The following PARD3 variants were observed in gnomAD, a reference collection of about 807,000 sequenced individuals.
PARD3 encodes partitioning defective 3 homolog.
Under a neutral mutation model 155.4 loss-of-function variants are expected in PARD3, and 75 were observed. That is an observed-to-expected ratio of 0.48 (90% CI 0.40 to 0.58). PARD3 has a LOEUF of 0.58. Ranked by LOEUF, PARD3 falls within the 20% of genes least tolerant of loss-of-function variation. The pLI is 0.00. For synonymous variants in PARD3, 576 were observed against 610.5 expected, an observed-to-expected ratio of 0.94 and a Z score of 0.83; for missense variants, 1,642 against 1,721.7, an observed-to-expected ratio of 0.95 and a Z score of 0.82.
Position 34,765,970 on chromosome 10 carries a change from A to G in PARD3, c.120+48906T>C, listed in dbSNP as rs1262341154. ...TAGGTAATTTGCCTAAAGATTACAC[A>G]GAGCTGAATTTCAAATCCAGACAGC... On this transcript the variant is annotated intron_variant, in intron 1 of 24. Coordinates refer to ENST00000374788, the MANE Select transcript of PARD3 (RefSeq NM_001184785.2). 3.3e-5 allele frequency among the ~76,000 whole-genome samples: 5 copies of G among 152,354 alleles called. No individual in the cohort carries two copies. In the East Asian group the frequency reaches 9.6e-4, roughly 29 times the overall value.
chr10:34,236,865 G>A (rs548955417), intron 22 of PARD3, among the ~76,000 whole-genome samples: 1 of 152,190 alleles, frequency 6.6e-6, no homozygotes, highest in South Asian at 2.1e-4. Context: ...GTGAGAATTA[G>A]GGTTCTTAAA....
chr10:34,270,025 T>C, intron 21 of PARD3, 126 bp from the exon 22 acceptor site: 1 of 920,390 alleles, frequency 1.1e-6, no homozygotes, highest in African/African-American at 1.7e-5. Context: ...AGATCAGTGG[T>C]ATAAATGACA....
chr10:34,535,872 T>C (rs1303772781), intron 2 of PARD3, among the ~76,000 whole-genome samples: 1 of 152,086 alleles, frequency 6.6e-6, no homozygotes, highest in Admixed American at 6.5e-5. Flanking sequence ...ATTAACTCCA[T>C]GTCAATGCTC....
chr10:34,358,660 T>A (rs1003068474), intron 14 of PARD3, among the ~76,000 whole-genome samples: 5 of 152,048 alleles, frequency 3.3e-5, no homozygotes, highest in Admixed American at 3.3e-4. Context: ...AACACTGAAC[T>A]CCAGCATGGT....
intron 4 of PARD3, among the ~76,000 whole-genome samples, chr10:34,460,271 T>C (rs75970788): frequency 0.026 from 3,917 of 152,226 alleles, 168 homozygotes; most frequent in African/African-American, 0.09. Context: ...TTCAGGGAAT[T>C]TGAGTAACGT....
At position 34,288,442 on chromosome 10, in the gene PARD3, A is replaced by C. The variant is rs563842742; in HGVS notation, c.3066-4197T>G. Among the ~76,000 whole-genome samples, 3 of 152,276 alleles carry C rather than the reference A, an allele frequency of 2.0e-5. No homozygotes were observed. In the East Asian group the frequency reaches 5.8e-4, roughly 29 times the overall value. ...ATGAAATCAACTGTAAATAAAAAAT[A>C]CACTAGCCATTCTAAAATGTAAAAA... On this transcript the variant is annotated intron_variant, in intron 20 of 24. Coordinates refer to ENST00000374788, the MANE Select transcript of PARD3 (RefSeq NM_001184785.2).
intron 1 of PARD3, among the ~76,000 whole-genome samples, chr10:34,722,836 T>C (rs1251707786): frequency 6.6e-6 from 1 of 152,120 alleles, no homozygotes; most frequent in East Asian, 1.9e-4. Context: ...AATACATATA[T>C]TGAACATGAT....
At chr10:34,480,783 GGTTTCT>G (rs2079024989) in intron 3 of PARD3, among the ~76,000 whole-genome samples, 1 of 149,150 alleles carries the variant, frequency 6.7e-6, no homozygotes, top group African/African-American at 2.5e-5. Context: ...TACATCTGCA[GGTTTCT>G]TTTTCTTTTT....
At chr10:34,263,722 C>T (rs1371939927) in intron 22 of PARD3, among the ~76,000 whole-genome samples, 1 of 152,172 alleles carries the variant, frequency 6.6e-6, no homozygotes, top group African/African-American at 2.4e-5. Flanking sequence ...TTGTACGTTA[C>T]ACTCAACTGC....
At chr10:34,640,994 A>T (rs185075301) in intron 2 of PARD3, among the ~76,000 whole-genome samples, 56 of 152,280 alleles carry the variant, frequency 3.7e-4, no homozygotes, top group African/African-American at 1.3e-3. Context: ...CCAAATTATA[A>T]ACTAAATTTT....
chr10:34,111,508 G>A lies in PARD3; in HGVS notation c.3723C>T (p.Tyr1241=). The A allele has an allele frequency of 6.2e-7, 1 of 1,613,840 alleles. No homozygotes were observed. The highest frequency in any genetic ancestry group is 8.5e-7 in the Non-Finnish European group (1 of 1,179,830). ...SVSQDSWEQN[Y]SPGEGFQSAK... The stretch of plus-strand genomic sequence containing the variant: ...CACTCTGGAAGCCTTCCCCAGGGGA[G>A]TAGTTCTGCTCCCAAGAGTCCTGGG... Residue 1241 remains tyrosine (Y), a synonymous_variant, in exon 25 of 25, where the codon TAC becomes TAT. Transcript: ENST00000374788.
At chr10:34,790,187 T>C (rs1001866056) in intron 1 of PARD3, among the ~76,000 whole-genome samples, 3 of 152,204 alleles carry the variant, frequency 2.0e-5, no homozygotes, top group African/African-American at 7.2e-5. Context: ...TGGGATTACT[T>C]GTGGTGTTCT....
intron 22 of PARD3, among the ~76,000 whole-genome samples, chr10:34,193,354 C>T (rs1443919550): frequency 6.6e-6 from 1 of 152,138 alleles, no homozygotes; most frequent in Non-Finnish European, 1.5e-5. Flanking sequence ...ACAAACAGTG[C>T]ATTTTTTCCC....
intron 2 of PARD3, among the ~76,000 whole-genome samples, chr10:34,647,166 T>C (rs953397150): frequency 6.6e-6 from 1 of 152,208 alleles, no homozygotes; most frequent in African/African-American, 2.4e-5. Context: ...GTTTTGAAGA[T>C]CCATCCATTA....
intron 2 of PARD3, among the ~76,000 whole-genome samples, chr10:34,530,200 CTG>C (rs949899469): frequency 4.2e-4 from 64 of 152,236 alleles, no homozygotes; most frequent in African/African-American, 1.2e-3. Context: ...ACAGGCACCA[CTG>C]TGTCACTTTA....
chr10:34,577,805 G>A (rs1256415979), intron 2 of PARD3, among the ~76,000 whole-genome samples: 1 of 152,058 alleles, frequency 6.6e-6, no homozygotes, highest in Non-Finnish European at 1.5e-5. Flanking sequence ...TGCTGACCAG[G>A]CATAGAAATT....
intron 22 of PARD3, among the ~76,000 whole-genome samples, chr10:34,134,498 C>G (rs149773085): frequency 6.6e-6 from 1 of 152,158 alleles, no homozygotes; most frequent in Admixed American, 6.5e-5. Context: ...TCTGTTTTCC[C>G]GACAAAGGGA....
chr10:34,203,757 C>T (rs1250499787), intron 22 of PARD3, among the ~76,000 whole-genome samples: 1 of 152,178 alleles, frequency 6.6e-6, no homozygotes, highest in African/African-American at 2.4e-5. Context: ...TGCAGAGGGC[C>T]GACTGTATAT....
At position 34,337,326 on chromosome 10, in the gene PARD3, T is replaced by C; in HGVS notation, c.2509A>G (p.Ser837Gly). 2 of 1,602,966 alleles carry C rather than the reference T, an allele frequency of 1.2e-6. No homozygotes were observed. ...CGTGTTTTAACGAAATCCAATTGAC[T>C]GGCATCTGAAAATTGCTTTGTGCGT... ...EKRTKQFSDA[S>G]QLDFVKTRKS... Residue 837 changes from serine to glycine, a missense_variant, in exon 17 of 25, where the codon AGT becomes GGT. Ser to Gly is a moderately conservative substitution (Grantham distance 56, BLOSUM62 0). Around this residue, in one of 3 missense-constraint regions of PARD3, gnomAD observed 1,529 missense variants for 1,587.3 expected, o/e 0.96. Transcript: ENST00000374788.
Sources: gnomAD v4.1 joint callset for allele counts (sites outside exome capture counted in the v4.1 genomes callset) on GRCh38, gnomAD v4.1.1 for gene constraint, gnomAD v4.1.1 regional missense constraint, MANE v1.5 for transcripts, NCBI Gene and HGNC (gene_info 2026-07-23, HGNC 2026-07-21) for gene names.